PKD1L1: variants seen among roughly 807,000 people sequenced by gnomAD.
PKD1L1 encodes polycystin 1 like 1, transient receptor potential channel interacting.
Under a neutral mutation model 323.4 loss-of-function variants are expected in PKD1L1, and 236 were observed. The observed-to-expected ratio is 0.73, with a 90% CI of 0.66 to 0.81. The LOEUF (loss-of-function observed/expected upper bound fraction) is 0.81, where lower values mean the gene tolerates loss of function less well. Ranked by LOEUF, PKD1L1 falls within the 40% of genes least tolerant of loss-of-function variation. The pLI is 0.00. For synonymous variants in PKD1L1, 1,344 were observed against 1,335.0 expected, an observed-to-expected ratio of 1.01 and a Z score of -0.15; for missense variants, 3,320 against 3,508.0, an observed-to-expected ratio of 0.95 and a Z score of 1.35.
chr7:47,883,262 T>C (rs1006848135), intron 19 of PKD1L1, among the ~76,000 whole-genome samples: 4 of 152,206 alleles, frequency 2.6e-5, no homozygotes. Context: ...GGGCTGGGGC[T>C]AGCCAACTCT....
chr7:47,953,820 A>G, the PKD1L1 span, among the ~76,000 whole-genome samples: 1 of 152,160 alleles, frequency 6.6e-6, no homozygotes, highest in African/African-American at 2.4e-5. Context: ...GGCAGGGTTT[A>G]TTTGCAAACA....
chr7:47,807,127 C>T (rs1303700380), intron 52 of PKD1L1, among the ~76,000 whole-genome samples: 2 of 152,116 alleles, frequency 1.3e-5, no homozygotes, highest in East Asian at 3.9e-4. Context: ...GTTGCTTTGC[C>T]TTGCTTGTGC....
chr7:47,940,295 A>C lies in PKD1L1; in HGVS notation c.183T>G (p.Leu61=), dbSNP rs201103721. 2 of 1,614,026 alleles carry C rather than the reference A, an allele frequency of 1.2e-6. No homozygotes were observed. Among genetic ancestry groups the C allele is most frequent in the African/African-American group, 1.3e-5 (1 of 75,026 alleles). The change falls in exon 3 of 57, where the codon CTT becomes CTG. Residue 61 remains leucine (L), a synonymous_variant. Transcript: ENST00000289672. The part of the protein sequence containing the change: ...LWVEVYANHV[L]LMSDGKCGCP... ...AGCCACACTTCCCATCACTCATAAGAAGCACATGATTAGCATAGACCTCTA... is the reference window on the plus strand; with the variant it reads ...AGCCACACTTCCCATCACTCATAAGCAGCACATGATTAGCATAGACCTCTA...
chr7:47,907,931 A>G (rs1487654425), intron 9 of PKD1L1, 146 bp downstream of exon 9: 6 of 750,722 alleles, frequency 8.0e-6, no homozygotes, highest in Non-Finnish European at 1.2e-5. Flanking sequence ...TCTGCAAGAC[A>G]TATTTTCTGA....
chr7:47,855,089 A>G, intron 29 of PKD1L1, 50 bp from the exon 30 acceptor site: 1 of 1,608,492 alleles, frequency 6.2e-7, no homozygotes, highest in Non-Finnish European at 8.5e-7. Context: ...TTGGTAAAAT[A>G]AACACATTAA....
chr7:47,866,897 T>A (rs760939579), intron 24 of PKD1L1, among the ~76,000 whole-genome samples: 1 of 152,196 alleles, frequency 6.6e-6, no homozygotes, highest in Non-Finnish European at 1.5e-5. Context: ...AGGAATGTAT[T>A]CCAGAGCCAG....
At chr7:47,889,924 G>A (rs1786772516) in intron 16 of PKD1L1, among the ~76,000 whole-genome samples, 1 of 152,216 alleles carries the variant, frequency 6.6e-6, no homozygotes, top group Admixed American at 6.5e-5. Context: ...CCTTAGAGGA[G>A]GAGGCTGGGA....
intron 43 of PKD1L1, 53 bp downstream of exon 43, chr7:47,829,987 A>C: frequency 6.6e-7 from 1 of 1,523,288 alleles, no homozygotes; most frequent in South Asian, 1.1e-5. Context: ...TCCCCTTCCC[A>C]TCTAGGTCCC....
chr7:47,813,953 A>T lies in PKD1L1; in HGVS notation c.7151T>A (p.Val2384Asp). ...TACCTTGCATAAATGCCTAGGAAAA[A>T]CTTTTAGCTGCCTAATTACGGAACT... ...IGSSVIRQLK[V>D]FPRHLCKPPR... is the part of the protein sequence containing the mutation. The change falls in exon 48 of 57, where the codon GTT becomes GAT. Residue 2384 changes from valine (V) to aspartate (D), a missense_variant. Transcript: ENST00000289672. The T allele has an allele frequency of 6.2e-7, 1 of 1,614,096 alleles. No individual in the cohort carries two copies. The highest frequency in any genetic ancestry group is 8.5e-7 in the Non-Finnish European group (1 of 1,179,986).
At chr7:47,939,911 G>C (rs1323273881) in intron 3 of PKD1L1, among the ~76,000 whole-genome samples, 2 of 151,914 alleles carry the variant, frequency 1.3e-5, no homozygotes, top group East Asian at 1.9e-4. Context: ...CTGCAGGGCA[G>C]CCCCCACTCC....
intron 24 of PKD1L1, among the ~76,000 whole-genome samples, chr7:47,868,617 T>G (rs1786216570): frequency 6.6e-6 from 1 of 152,230 alleles, no homozygotes; most frequent in Non-Finnish European, 1.5e-5. Context: ...GGCTCATGCC[T>G]GTAATCCCAG....
At chr7:47,885,476 T>A (rs907182650) in intron 18 of PKD1L1, among the ~76,000 whole-genome samples, 5 of 152,104 alleles carry the variant, frequency 3.3e-5, no homozygotes, top group African/African-American at 1.2e-4. Flanking sequence ...GAACCTGCCA[T>A]GGGTTTGTCA....
chr7:47,881,845 A>G, intron 20 of PKD1L1, 64 bp downstream of exon 20: 5 of 1,455,332 alleles, frequency 3.4e-6, no homozygotes, highest in Non-Finnish European at 4.6e-6. Flanking sequence ...GAAGAAATTG[A>G]GGGCTGATAT....
At chr7:47,777,109 C>G (rs1479759941) in intron 56 of PKD1L1, among the ~76,000 whole-genome samples, 1 of 152,166 alleles carries the variant, frequency 6.6e-6, no homozygotes, top group Non-Finnish European at 1.5e-5. Context: ...CCAGGCCGGC[C>G]TGGAAATCCC....
chr7:47,855,143 G>A lies in PKD1L1; in HGVS notation c.4701+12C>T, dbSNP rs1217633182. 6 of 1,613,056 alleles carry A rather than the reference G, an allele frequency of 3.7e-6. No individual in the cohort carries two copies. The highest frequency in any genetic ancestry group is 2.2e-5 in the East Asian group (1 of 44,874). On this transcript the variant is annotated intron_variant, in intron 29 of 56. Transcript: ENST00000289672. ...TAAATGAAGTAGAGATACTGAGAAA[G>A]GCTCTCCTTACCAGGCCATCCTCCT...
At chr7:47,891,690 G>A (rs1786821771) in intron 15 of PKD1L1, among the ~76,000 whole-genome samples, 1 of 152,228 alleles carries the variant, frequency 6.6e-6, no homozygotes, top group African/African-American at 2.4e-5. Flanking sequence ...CAGAGCAACT[G>A]CCCCTGGGGT....
At chr7:47,820,031 T>C (rs570418944) in intron 46 of PKD1L1, among the ~76,000 whole-genome samples, 2 of 152,342 alleles carry the variant, frequency 1.3e-5, no homozygotes, top group Admixed American at 6.5e-5. Flanking sequence ...TTTACCAGCA[T>C]TGAAATCATA....
At chr7:47,948,329 AAG>A in intron 1 of PKD1L1, 66 bp downstream of exon 1, 1 of 1,583,872 alleles carries the variant, frequency 6.3e-7, no homozygotes, top group Non-Finnish European at 8.7e-7. Flanking sequence ...TGACTTTTGA[AAG>A]AAAATTTCTG....
At chr7:47,831,994 C>T (rs1051412812) in intron 41 of PKD1L1, among the ~76,000 whole-genome samples, 8 of 152,248 alleles carry the variant, frequency 5.3e-5, no homozygotes, top group African/African-American at 1.9e-4. Flanking sequence ...TTGCCCCATA[C>T]AGCTCTTCAT....
Sources: allele counts gnomAD v4.1 joint callset (sites outside exome capture counted in the v4.1 genomes callset), GRCh38; gene constraint gnomAD v4.1.1; transcripts MANE v1.5; gene names NCBI Gene and HGNC (gene_info 2026-07-23, HGNC 2026-07-21).